Variants in ANKRD44 observed in about 807,000 individuals in gnomAD.
ANKRD44 encodes the protein serine/threonine-protein phosphatase 6 regulatory ankyrin repeat subunit B.
Under a neutral mutation model 116.0 loss-of-function variants are expected in ANKRD44, and 35 were observed. That is an observed-to-expected ratio of 0.30 (90% CI 0.23 to 0.40). ANKRD44 has a LOEUF of 0.40. Ranked by LOEUF, ANKRD44 falls within the 10% of genes least tolerant of loss-of-function variation. The pLI is 1.00. For missense variants in ANKRD44, 1,014 were observed against 1,242.6 expected (o/e 0.82, Z 2.77); for synonymous variants, 435 against 461.8 (o/e 0.94, Z 0.74).
chr2:196,996,329 A>G (rs1339221406), intron 25 of ANKRD44, among the ~76,000 whole-genome samples: 1 of 152,228 alleles, frequency 6.6e-6, no homozygotes, highest in Non-Finnish European at 1.5e-5. Flanking sequence ...AAGGCTGAGC[A>G]CTTTTTGTGG....
intron 16 of ANKRD44, among the ~76,000 whole-genome samples, chr2:197,034,691 C>G (rs545106657): frequency 3.9e-5 from 6 of 152,064 alleles, no homozygotes; most frequent in African/African-American, 1.4e-4. Context: ...CTGCTTGACC[C>G]CACTTCTTCT....
chr2:197,059,210 G>C (rs2077262295), intron 16 of ANKRD44, among the ~76,000 whole-genome samples: 1 of 151,948 alleles, frequency 6.6e-6, no homozygotes, highest in Admixed American at 6.6e-5. Context: ...TGCTTAAAAA[G>C]GAAACAAAGC....
intron 1 of ANKRD44, among the ~76,000 whole-genome samples, chr2:197,284,630 A>C (rs1368147284): frequency 6.6e-6 from 1 of 152,076 alleles, no homozygotes; most frequent in Non-Finnish European, 1.5e-5. Flanking sequence ...TCATGCCTAT[A>C]ATCCCAAAAC....
intron 16 of ANKRD44, among the ~76,000 whole-genome samples, chr2:197,068,393 AAAAAT>A (rs2077484035): frequency 2.9e-5 from 2 of 68,146 alleles, no homozygotes; most frequent in Non-Finnish European, 4.0e-5. Context: ...AAAATAAAAA[AAAAAT>A]AAAAATAAAA....
intron 1 of ANKRD44, among the ~76,000 whole-genome samples, chr2:197,279,002 G>A (rs1359979185): frequency 6.6e-6 from 1 of 152,182 alleles, no homozygotes; most frequent in African/African-American, 2.4e-5. Flanking sequence ...CAAAGGTTGG[G>A]CTCTCATGTG....
chr2:196,993,797 T>G, intron 26 of ANKRD44, 123 bp from the exon 27 acceptor site: 1 of 732,714 alleles, frequency 1.4e-6, no homozygotes, highest in South Asian at 1.8e-5. Context: ...CATGGATGTT[T>G]TTACTTAAGA....
intron 1 of ANKRD44, among the ~76,000 whole-genome samples, chr2:197,252,137 GA>G (rs1004943234): frequency 6.6e-6 from 1 of 151,736 alleles, no homozygotes; most frequent in African/African-American, 2.4e-5. Context: ...GCTTAAATAG[GA>G]AAAAAACTCC....
At chr2:197,102,705 T>C (rs931913388) in intron 9 of ANKRD44, among the ~76,000 whole-genome samples, 2 of 152,188 alleles carry the variant, frequency 1.3e-5, no homozygotes, top group Non-Finnish European at 2.9e-5. Context: ...CACATATGTA[T>C]ATATGCTAGT....
intron 1 of ANKRD44, among the ~76,000 whole-genome samples, chr2:197,255,609 AAAG>A (rs1034556438): frequency 3.9e-5 from 6 of 152,382 alleles, no homozygotes; most frequent in Non-Finnish European, 8.8e-5. Flanking sequence ...CCCCAAAACA[AAAG>A]AAGAACTACA....
intron 16 of ANKRD44, among the ~76,000 whole-genome samples, chr2:197,057,866 T>C (rs542200608): frequency 2.6e-5 from 4 of 152,108 alleles, no homozygotes; most frequent in Non-Finnish European, 1.5e-5. Flanking sequence ...TCAAAAATCA[T>C]AAAAAATAAA....
At chr2:197,078,504 G>GGGCT (rs972001244) in intron 16 of ANKRD44, 199 bp downstream of exon 16, 7 of 1,382,112 alleles carry the variant, frequency 5.1e-6, no homozygotes, top group Non-Finnish European at 2.9e-6. Context: ...GGTGGTGGTG[G>GGGCT]GGCTCTAACC....
intron 16 of ANKRD44, 93 bp downstream of exon 16, chr2:197,078,610 G>A: frequency 6.5e-7 from 1 of 1,545,618 alleles, no homozygotes; most frequent in Non-Finnish European, 8.8e-7. Flanking sequence ...ACACAAGCCA[G>A]AGCTACAACT....
intron 1 of ANKRD44, among the ~76,000 whole-genome samples, chr2:197,281,363 C>T (rs2083259778): frequency 6.6e-6 from 1 of 152,082 alleles, no homozygotes; most frequent in Non-Finnish European, 1.5e-5. Context: ...CACCAACAAG[C>T]TTTAGTTTCC....
At chr2:197,256,418 C>T (rs937342200) in intron 1 of ANKRD44, among the ~76,000 whole-genome samples, 5 of 152,162 alleles carry the variant, frequency 3.3e-5, no homozygotes, top group African/African-American at 1.2e-4. Flanking sequence ...TCTCCATATA[C>T]CAACGGCTTT....
chr2:197,128,589 C>T (rs1318276715), intron 4 of ANKRD44, among the ~76,000 whole-genome samples: 1 of 152,154 alleles, frequency 6.6e-6, no homozygotes, highest in East Asian at 1.9e-4. Context: ...CTGTAGGTTG[C>T]CTGTTCACTC....
chr2:197,189,594 T>C (rs2125613761), intron 1 of ANKRD44, among the ~76,000 whole-genome samples: 1 of 152,332 alleles, frequency 6.6e-6, no homozygotes, highest in Non-Finnish European at 1.5e-5. Context: ...TTGAATCTTG[T>C]TTATCTGCTC....
At chr2:197,302,557 T>C (rs555455279) in intron 1 of ANKRD44, 6 of 152,382 alleles carry the variant, frequency 3.9e-5, no homozygotes, top group South Asian at 2.1e-4. Context: ...CCTTGGGGTG[T>C]AGGCCACACC....
chr2:197,210,770 G>A (rs2081306948), intron 1 of ANKRD44, among the ~76,000 whole-genome samples: 1 of 152,162 alleles, frequency 6.6e-6, no homozygotes. Context: ...CCCTTATGGA[G>A]AGAGGCAGCT....
At chr2:197,208,124 T>C (rs1027194778) in intron 1 of ANKRD44, among the ~76,000 whole-genome samples, 2 of 152,218 alleles carry the variant, frequency 1.3e-5, no homozygotes, top group African/African-American at 4.8e-5. Flanking sequence ...CTGAGATTTG[T>C]TACGTATTTT....
Sources: gnomAD v4.1 joint callset for allele counts (sites outside exome capture counted in the v4.1 genomes callset) on GRCh38, gnomAD v4.1.1 for gene constraint, MANE v1.5 for transcripts, NCBI Gene and HGNC (gene_info 2026-07-23, HGNC 2026-07-21) for gene names.